GOLIM4: variants seen among roughly 807,000 people sequenced by gnomAD.
GOLIM4 encodes 130 kDa golgi-localized phosphoprotein.
GOLIM4 carries 71 observed loss-of-function variants against 107.4 expected under a neutral mutation model. The ratio of observed to expected loss-of-function variants is 0.66; its 90% CI spans 0.55 to 0.81. The LOEUF (loss-of-function observed/expected upper bound fraction) is 0.81. GOLIM4 is among the 30% of genes least tolerant of loss of function. The pLI is 0.00. For synonymous variants in GOLIM4, 327 were observed against 294.8 expected, an observed-to-expected ratio of 1.11 and a Z score of -1.12; for missense variants, 830 against 826.1, an observed-to-expected ratio of 1.00 and a Z score of -0.06.
At chr3:168,067,725 G>A (rs966548727) in intron 1 of GOLIM4, among the ~76,000 whole-genome samples, 4 of 152,030 alleles carry the variant, frequency 2.6e-5, no homozygotes, top group Admixed American at 1.3e-4. Context: ...ATGAATGAAC[G>A]TAGTTGCCAA....
At chr3:168,072,087 C>T (rs1457496321) in intron 1 of GOLIM4, among the ~76,000 whole-genome samples, 1 of 152,156 alleles carries the variant, frequency 6.6e-6, no homozygotes, top group Non-Finnish European at 1.5e-5. Flanking sequence ...TGAAACTCAA[C>T]GTGGATCACG....
At chr3:168,079,349 C>T (rs914035279) in intron 1 of GOLIM4, among the ~76,000 whole-genome samples, 4 of 152,106 alleles carry the variant, frequency 2.6e-5, no homozygotes, top group Non-Finnish European at 4.4e-5. Context: ...ATTTTATTTA[C>T]ACAAAGTACA....
At chr3:168,074,273 G>T (rs1720965965) in intron 1 of GOLIM4, among the ~76,000 whole-genome samples, 2 of 152,188 alleles carry the variant, frequency 1.3e-5, no homozygotes, top group South Asian at 4.1e-4. Flanking sequence ...TCAGGAAACT[G>T]TGTGAAATAT....
intron 14 of GOLIM4, among the ~76,000 whole-genome samples, chr3:168,018,252 A>G (rs56376886): frequency 0.043 from 6,601 of 152,272 alleles, 182 homozygotes; most frequent in Non-Finnish European, 0.069. Context: ...CAACGGAAGA[A>G]AAGTATACAG....
At position 168,042,264 on chromosome 3, in the gene GOLIM4, CTCTCTG is replaced by C. The variant is rs1468054348; in HGVS notation, c.518-796_518-791del. Among the ~76,000 whole-genome samples the C allele has an allele frequency of 4.6e-5, 7 of 151,606 alleles. No homozygotes were observed. The East Asian group carries it at 1.2e-3, about 25-fold the overall frequency. ...CTATTTTTTTTTTTTGACAGAGTCT[CTCTCTG>C]TCACCCAGGCTGGAGTGCAGTGCAA... On this transcript the variant is annotated intron_variant, in intron 5 of 15. Coordinates refer to ENST00000470487, the MANE Select transcript of GOLIM4 (RefSeq NM_014498.5).
At position 168,032,612 on chromosome 3, in the gene GOLIM4, C is replaced by G. The variant is rs370706753; in HGVS notation, c.1084G>C (p.Asp362His). 1 of 1,613,996 alleles carries G rather than the reference C, an allele frequency of 6.2e-7. No homozygotes were observed. The highest frequency in any genetic ancestry group is 8.5e-7 in the Non-Finnish European group (1 of 1,180,006). ...CGATCCTGCTCCTCTGGTGATGGATCGTGTTCCTCCTCAAGATGTTCTGCT... is the reference window on the plus strand; with the variant it reads ...CGATCCTGCTCCTCTGGTGATGGATGGTGTTCCTCCTCAAGATGTTCTGCT... The part of the protein sequence containing the change: ...GQAEHLEEEH[D>H]PSPEEQDREW... The change falls in exon 9 of 16, where the codon GAT (aspartate) becomes CAT (histidine). Residue 362 changes from aspartate (D) to histidine (H), a missense_variant. Physicochemically the swap from Asp to His is moderately conservative, Grantham distance 81 (BLOSUM62 -1). Transcript: ENST00000470487.
At chr3:168,073,384 A>AATGCATGTT (rs925332895) in intron 1 of GOLIM4, among the ~76,000 whole-genome samples, 1 of 152,252 alleles carries the variant, frequency 6.6e-6, no homozygotes, top group Non-Finnish European at 1.5e-5. Flanking sequence ...AGAATACAGG[A>AATGCATGTT]ATGCATGTGG....
At position 168,036,759 on chromosome 3, in the gene GOLIM4, T is replaced by C; in HGVS notation, c.843+77A>G. 6 of 1,172,834 alleles carry C rather than the reference T, an allele frequency of 5.1e-6. No homozygotes were observed. The South Asian group carries it at 1.1e-4, about 22-fold the overall frequency. 72.7% of individuals were successfully genotyped at this position (1,172,834 alleles called of 1,614,324 possible). The stretch of plus-strand genomic sequence containing the variant: ...ACTGCTCTCCCAGAAAAGTTGGCAA[T>C]ATTAAAAGCAGGTCCCCTCTTGGCA... On this transcript the variant is annotated intron_variant, in intron 8 of 15. Transcript: ENST00000470487.
chr3:168,041,321 G>A (rs1462996816), intron 6 of GOLIM4, 71 bp downstream of exon 6: 20 of 881,270 alleles, frequency 2.3e-5, no homozygotes, highest in Non-Finnish European at 3.6e-5. Flanking sequence ...ATTAGGGAAT[G>A]ACTTTTTAAA....
chr3:168,078,256 T>C (rs908841048), intron 1 of GOLIM4, among the ~76,000 whole-genome samples: 2 of 152,322 alleles, frequency 1.3e-5, no homozygotes, highest in East Asian at 1.9e-4. Flanking sequence ...TATTTTTGTT[T>C]ACACAAATAT....
At chr3:168,042,405 C>T (rs952095452) in intron 5 of GOLIM4, among the ~76,000 whole-genome samples, 5 of 152,106 alleles carry the variant, frequency 3.3e-5, no homozygotes, top group East Asian at 3.9e-4. Context: ...CTTGGCCTCC[C>T]GAATGGCTGA....
rs138517238 is a variant in GOLIM4 at position 168,031,038 on chromosome 3, A to T, written c.1177-1002T>A. 1.4e-3 allele frequency among the ~76,000 whole-genome samples: 217 copies of T among 152,342 alleles called. 1 individual carries two copies. The highest frequency in any genetic ancestry group is 2.3e-3 in the Non-Finnish European group (157 of 68,034). On this transcript the variant is annotated intron_variant, in intron 9 of 15. Transcript: ENST00000470487. Reference sequence around the variant, plus strand: ...TCATAAAAAAGAATGAAATCTTGTCATACGCAGTGACATGGATGGAACTGG... The same window carrying T: ...TCATAAAAAAGAATGAAATCTTGTCTTACGCAGTGACATGGATGGAACTGG...
chr3:168,026,097 CTTGAACATGT>C (rs2108223012), intron 12 of GOLIM4, among the ~76,000 whole-genome samples: 1 of 152,266 alleles, frequency 6.6e-6, no homozygotes, highest in African/African-American at 2.4e-5. Context: ...ACTTAGGAGT[CTTGAACATGT>C]TTGAGAGTTC....
In GOLIM4 at chr3:168,027,740, T is replaced by A. The variant is rs1718076256; in HGVS notation, c.1611A>T (p.Glu537Asp). Residue 537 changes from glutamate (E) to aspartate (D), a missense_variant, in exon 12 of 16, where the codon GAA becomes GAT. By Grantham distance (45) the Glu-to-Asp change is conservative. Transcript: ENST00000470487. ...REQGPREADP[E>D]SEADRAAVED... ...AGAGGATACTTACATCTGCCTCAGA[T>A]TCTGGGTCGGCTTCTCGGGGTCCTT... The A allele has an allele frequency of 2.5e-6, 4 of 1,600,388 alleles. No individual in the cohort carries two copies. The East Asian group carries it at 8.9e-5, about 36-fold the overall frequency.
At chr3:168,085,204 C>G (rs1721559131) in intron 1 of GOLIM4, among the ~76,000 whole-genome samples, 1 of 152,116 alleles carries the variant, frequency 6.6e-6, no homozygotes, top group Non-Finnish European at 1.5e-5. Flanking sequence ...AGATCAATTC[C>G]AGGACACTAT....
intron 1 of GOLIM4, among the ~76,000 whole-genome samples, chr3:168,056,658 T>G (rs866964898): frequency 6.6e-6 from 1 of 152,186 alleles, no homozygotes; most frequent in South Asian, 2.1e-4. Context: ...TCAAAGGAGA[T>G]AGTTCCAGAG....
intron 1 of GOLIM4, among the ~76,000 whole-genome samples, chr3:168,064,545 A>C (rs1025127490): frequency 2.0e-5 from 3 of 152,080 alleles, no homozygotes; most frequent in African/African-American, 7.2e-5. Context: ...GGCAACCTCT[A>C]AGTTTTTACA....
chr3:168,039,331 C>T (rs1219593885), intron 7 of GOLIM4, among the ~76,000 whole-genome samples: 2 of 149,476 alleles, frequency 1.3e-5, no homozygotes, highest in African/African-American at 2.5e-5. Flanking sequence ...GGTGCAATCT[C>T]GGCTCACTGC....
chr3:168,071,420 C>T (rs191207291), intron 1 of GOLIM4, among the ~76,000 whole-genome samples: 107 of 152,108 alleles, frequency 7.0e-4, no homozygotes, highest in African/African-American at 2.6e-3. Flanking sequence ...GCTCTCTAGG[C>T]AGGAATGATG....
Sources: gnomAD v4.1 joint callset for allele counts (sites outside exome capture counted in the v4.1 genomes callset) on GRCh38, gnomAD v4.1.1 for gene constraint, MANE v1.5 for transcripts, NCBI Gene and HGNC (gene_info 2026-07-23, HGNC 2026-07-21) for gene names.